Variants in CAMK4 observed in about 807,000 individuals in gnomAD.
CAMK4 encodes calcium/calmodulin dependent protein kinase IV, also known as calcium/calmodulin-dependent protein kinase type IV.
CAMK4 carries 22 observed loss-of-function variants against 44.9 expected under a neutral mutation model. That is an observed-to-expected ratio of 0.49 (90% CI 0.35 to 0.70). CAMK4 has a LOEUF of 0.70. Ranked by LOEUF, CAMK4 falls within the 30% of genes least tolerant of loss-of-function variation. The probability of loss-of-function intolerance (pLI) is 0.01; values close to 1 mark genes in which losing one functional copy is unlikely to be tolerated. For missense variants in CAMK4, 498 were observed against 586.8 expected (o/e 0.85, Z 1.56); for synonymous variants, 218 against 215.4 (o/e 1.01, Z -0.11).
At chr5:111,378,525 C>G (rs1186935249) in intron 4 of CAMK4, among the ~76,000 whole-genome samples, 1 of 152,114 alleles carries the variant, frequency 6.6e-6, no homozygotes, top group Non-Finnish European at 1.5e-5. Context: ...GGTCTAGCTT[C>G]ATTGCAACTA....
chr5:111,320,560 G>C (rs1344572029), intron 1 of CAMK4, among the ~76,000 whole-genome samples: 2 of 152,170 alleles, frequency 1.3e-5, no homozygotes, highest in Non-Finnish European at 2.9e-5. Flanking sequence ...AGGGTGGAGT[G>C]CAATGGCACA....
At chr5:111,427,314 G>A (rs1230775536) in intron 5 of CAMK4, among the ~76,000 whole-genome samples, 1 of 152,156 alleles carries the variant, frequency 6.6e-6, no homozygotes, top group African/African-American at 2.4e-5. Context: ...CCTGCTAACG[G>A]AAGGGAAGGG....
At chr5:111,276,440 A>T (rs1247461573) in intron 1 of CAMK4, among the ~76,000 whole-genome samples, 1 of 152,020 alleles carries the variant, frequency 6.6e-6, no homozygotes, top group Non-Finnish European at 1.5e-5. Flanking sequence ...CATTTAAATA[A>T]TTTTTGCTGG....
chr5:111,435,378 A>G (rs1039431611), intron 5 of CAMK4, among the ~76,000 whole-genome samples: 1 of 151,934 alleles, frequency 6.6e-6, no homozygotes, highest in African/African-American at 2.4e-5. Flanking sequence ...ATTTTTTAAT[A>G]TTATTTAATA....
Position 111,464,694 on chromosome 5 carries a change from A to G in CAMK4, c.626-8617A>G, listed in dbSNP as rs1335241379. ...AACTCAAAGAGAACACGAGAAGTCAAGAGAGGACAGTGGGGACAATCTCTT... is the reference window on the plus strand; with the variant it reads ...AACTCAAAGAGAACACGAGAAGTCAGGAGAGGACAGTGGGGACAATCTCTT... On this transcript the variant is annotated intron_variant, in intron 7 of 10. Transcript: ENST00000282356. 2.6e-5 allele frequency among the ~76,000 whole-genome samples: 4 copies of G among 152,328 alleles called. No homozygotes were observed. The South Asian group carries it at 6.2e-4, about 24-fold the overall frequency.
At chr5:111,353,326 C>T (rs1332732162) in intron 2 of CAMK4, among the ~76,000 whole-genome samples, 3 of 151,786 alleles carry the variant, frequency 2.0e-5, no homozygotes, top group Non-Finnish European at 4.4e-5. Context: ...AAATACAGAG[C>T]GAGGTTCTGG....
At chr5:111,395,228 G>GA (rs758613011) in intron 5 of CAMK4, among the ~76,000 whole-genome samples, 5 of 114,894 alleles carry the variant, frequency 4.4e-5, no homozygotes, top group African/African-American at 9.9e-5. Flanking sequence ...AAAAAAAAAA[G>GA]AAAAAAAAAA....
At chr5:111,233,660 A>AAG (rs769453358) in intron 1 of CAMK4, among the ~76,000 whole-genome samples, 1 of 152,184 alleles carries the variant, frequency 6.6e-6, no homozygotes, top group Non-Finnish European at 1.5e-5. Context: ...TTACTGATGA[A>AAG]AGATTTTCCT....
chr5:111,248,039 T>C (rs1749316660), intron 1 of CAMK4, among the ~76,000 whole-genome samples: 1 of 152,220 alleles, frequency 6.6e-6, no homozygotes, highest in Non-Finnish European at 1.5e-5. Context: ...GCAGATTATC[T>C]CACTGGACTA....
At chr5:111,429,652 T>C (rs1246855780) in intron 5 of CAMK4, among the ~76,000 whole-genome samples, 2 of 151,402 alleles carry the variant, frequency 1.3e-5, no homozygotes, top group Non-Finnish European at 2.9e-5. Flanking sequence ...GGTGTGCACT[T>C]ATAGTCCCAG....
chr5:111,452,009 G>T (rs1341599244), intron 7 of CAMK4, among the ~76,000 whole-genome samples: 1 of 152,194 alleles, frequency 6.6e-6, no homozygotes, highest in African/African-American at 2.4e-5. Flanking sequence ...ATGTCTCCTT[G>T]TCCATCTAAG....
At chr5:111,258,405 A>G (rs1338482955) in intron 1 of CAMK4, among the ~76,000 whole-genome samples, 1 of 152,238 alleles carries the variant, frequency 6.6e-6, no homozygotes, top group East Asian at 1.9e-4. Flanking sequence ...AAAACTGGGA[A>G]CAAAAAAGAA....
chr5:111,465,916 A>G (rs1341606745), intron 7 of CAMK4, among the ~76,000 whole-genome samples: 2 of 152,242 alleles, frequency 1.3e-5, no homozygotes, highest in Non-Finnish European at 2.9e-5. Context: ...CTATAGATCA[A>G]TATTCCTGAT....
chr5:111,337,473 TGA>T (rs1007816980), intron 1 of CAMK4, among the ~76,000 whole-genome samples: 59 of 150,896 alleles, frequency 3.9e-4, no homozygotes, highest in African/African-American at 1.3e-3. Context: ...CAGTGATGTG[TGA>T]GAGTTTCAGT....
intron 1 of CAMK4, among the ~76,000 whole-genome samples, chr5:111,232,390 G>C (rs1748519158): frequency 6.6e-6 from 1 of 152,052 alleles, no homozygotes; most frequent in Non-Finnish European, 1.5e-5. Context: ...AATTTGGCAG[G>C]ATTTTAATAG....
chr5:111,261,304 C>A (rs1031626549), intron 1 of CAMK4, among the ~76,000 whole-genome samples: 1 of 152,192 alleles, frequency 6.6e-6, no homozygotes, highest in Non-Finnish European at 1.5e-5. Context: ...GTAGCTCTAA[C>A]ACTTAGCACA....
chr5:111,467,731 G>A (rs1316667806), intron 7 of CAMK4, among the ~76,000 whole-genome samples: 1 of 152,108 alleles, frequency 6.6e-6, no homozygotes, highest in Non-Finnish European at 1.5e-5. Context: ...TGGTGAAAGG[G>A]GAACACTTTT....
chr5:111,298,371 G>A (rs1052822576), intron 1 of CAMK4, among the ~76,000 whole-genome samples: 8 of 152,156 alleles, frequency 5.3e-5, no homozygotes, highest in Admixed American at 5.2e-4. Context: ...CTTTTGCAAA[G>A]CTCTAAGAAT....
At chr5:111,319,253 AGT>A (rs1218597249) in intron 1 of CAMK4, among the ~76,000 whole-genome samples, 1 of 152,178 alleles carries the variant, frequency 6.6e-6, no homozygotes, top group Non-Finnish European at 1.5e-5. Flanking sequence ...CAATTGAAAA[AGT>A]GTTAAGTTTT....
Sources: gnomAD v4.1 joint callset for allele counts (sites outside exome capture counted in the v4.1 genomes callset) on GRCh38, gnomAD v4.1.1 for gene constraint, MANE v1.5 for transcripts, NCBI Gene and HGNC (gene_info 2026-07-23, HGNC 2026-07-21) for gene names.